The following ZNF202 variants were observed in gnomAD, a reference collection of about 807,000 sequenced individuals.
The protein encoded by ZNF202 is zinc finger protein 202, also known as zinc finger protein with KRAB and SCAN domains 10.
A neutral mutation model predicts 54.5 loss-of-function variants in ZNF202; 22 were observed. That is an observed-to-expected ratio of 0.40 (90% CI 0.29 to 0.58). The LOEUF (loss-of-function observed/expected upper bound fraction) is 0.58, where lower values mean the gene tolerates loss of function less well. Among genes scored for constraint, ZNF202 ranks in the 20% least tolerant of loss-of-function variants. The probability of loss-of-function intolerance (pLI) is 0.39; values close to 1 mark genes in which losing one functional copy is unlikely to be tolerated. For missense variants in ZNF202, 644 were observed against 805.5 expected, an observed-to-expected ratio of 0.80 and a Z score of 2.43; for synonymous variants, 294 against 301.4, an observed-to-expected ratio of 0.98 and a Z score of 0.26.
chr11:123,728,215 C>A lies in ZNF202; in HGVS notation c.750G>T (p.Gln250His). 2.5e-6 allele frequency: 4 copies of A among 1,613,122 alleles called. No individual in the cohort carries two copies. The highest frequency in any genetic ancestry group is 3.4e-6 in the Non-Finnish European group (4 of 1,179,392). ...KDVAVCFSQD[Q>H]WSDLDPTQKE... ...TCTGTGTTGGGTCCAGATCACTCCA[C>A]TGGTCCTGGGAAAAGCATACGGCCA... is the stretch of plus-strand genomic sequence containing the variant. Residue 250 changes from glutamine (Q) to histidine (H), a missense_variant, in exon 7 of 9, where the codon CAG (glutamine) becomes CAT (histidine). Physicochemically the swap from Gln to His is conservative, Grantham distance 24 (BLOSUM62 0). This residue lies in a region of ZNF202 where 536 missense variants were observed against 635.3 expected (regional missense o/e 0.84). Transcript: ENST00000530393.
At chr11:123,733,453 T>C (rs1273932625) in intron 3 of ZNF202, among the ~76,000 whole-genome samples, 1 of 152,220 alleles carries the variant, frequency 6.6e-6, no homozygotes, top group Non-Finnish European at 1.5e-5. Flanking sequence ...TTTTTTATTT[T>C]ATGTCCATCT....
intron 3 of ZNF202, among the ~76,000 whole-genome samples, chr11:123,737,988 G>A (rs141184948): frequency 2.6e-4 from 39 of 152,318 alleles, no homozygotes; most frequent in African/African-American, 8.9e-4. Flanking sequence ...ATTTACTCAA[G>A]AGCTGAGGAC....
rs570157402 is a variant in ZNF202, at chr11:123,735,160, C to T, written c.-97-4175G>A. Among the ~76,000 whole-genome samples the T allele has an allele frequency of 3.9e-5, 6 of 152,280 alleles. No homozygotes were observed. The East Asian group carries it at 1.2e-3, about 29-fold the overall frequency. ...CACCCCAACTCCTACCCCTGGAAGA[C>T]AGAATTAATACATAGGGTCTTTTGG... is the stretch of plus-strand genomic sequence containing the variant. On this transcript the variant is annotated intron_variant, in intron 3 of 8. Coordinates refer to ENST00000530393, the MANE Select transcript of ZNF202 (RefSeq NM_003455.4).
chr11:123,738,537 A>G (rs1375594548), intron 3 of ZNF202: 1 of 93,864 alleles, frequency 1.1e-5, no homozygotes, highest in Non-Finnish European at 2.4e-5. Flanking sequence ...ACCCATCCTG[A>G]TAAGAGTAAC....
chr11:123,739,902 T>C (rs1402962988), intron 3 of ZNF202, among the ~76,000 whole-genome samples: 3 of 152,164 alleles, frequency 2.0e-5, no homozygotes, highest in Non-Finnish European at 2.9e-5. Context: ...GCCCCAGCAA[T>C]ATGCGTTTAA....
intron 1 of ZNF202, 51 bp from the exon 2 acceptor site, chr11:123,740,587 T>G (rs1893061): frequency 0.68 from 103,765 of 152,144 alleles, 35,573 homozygotes; most frequent in Middle Eastern, 0.82. Flanking sequence ...CAGCCTCTAA[T>G]TGAGAGCCTG....
chr11:123,729,039 T>G (rs1490962512), intron 6 of ZNF202, 87 bp downstream of exon 6: 7 of 1,340,916 alleles, frequency 5.2e-6, no homozygotes, highest in Non-Finnish European at 7.3e-6. Flanking sequence ...AGTGTAAATG[T>G]GCATCCTGCT....
Position 123,729,172 on chromosome 11 carries a change from C to G in ZNF202, c.656G>C (p.Ser219Thr). Residue 219 changes from serine to threonine, a missense_variant, in exon 6 of 9, where the codon AGC becomes ACC. By Grantham distance (58) the Ser-to-Thr change is moderately conservative. Coordinates refer to ENST00000530393, the MANE Select transcript of ZNF202 (RefSeq NM_003455.4). Reference protein sequence around the residue: ...PEDPDLPAERSSGDSEMVALL... With the variant: ...PEDPDLPAERTSGDSEMVALL... ...AGCAACCATCTCTGAGTCTCCAGAG[C>G]TCCTCTCTGCAGGAAGGTCTGGGTC... The G allele has an allele frequency of 6.2e-7, 1 of 1,613,952 alleles. No individual in the cohort carries two copies. Among genetic ancestry groups the G allele is most frequent in the Non-Finnish European group, 8.5e-7 (1 of 1,180,012 alleles).
chr11:123,727,077 T>A, intron 8 of ZNF202, 86 bp from the exon 9 acceptor site: 1 of 1,496,202 alleles, frequency 6.7e-7, no homozygotes. Context: ...CAAAGGGTTT[T>A]GAGATGGCAA....
In ZNF202 at chr11:123,730,978, C is replaced by T; in HGVS notation, c.-90G>A. The T allele has an allele frequency of 1.4e-6, 2 of 1,470,958 alleles. No individual in the cohort carries two copies. Among genetic ancestry groups the T allele is most frequent in the Admixed American group, 4.4e-5 (2 of 45,608 alleles). The allele number at this position is 1,470,958 out of a possible 1,614,324, so 91.1% of individuals were successfully genotyped here. A position where few individuals can be genotyped will look rare whatever the true frequency, so the allele number is the denominator to read the frequency against. ...CCTGGACACAGCGAGGATTTTCTTC[C>T]AAGGGCCCTGGATAGAGAAGTAAAG... On this transcript the variant is annotated 5_prime_UTR_variant, in exon 4 of 9. Coordinates refer to ENST00000530393, the MANE Select transcript of ZNF202 (RefSeq NM_003455.4). The surrounding 1 kb of genome is among the most constrained non-coding windows in gnomAD (Gnocchi z 6.0).
rs186838064 is a variant in ZNF202, at chr11:123,730,964, C to A, written c.-76G>T. ...GCCCCCCGCCTCAGCCTGGACACAGCGAGGATTTTCTTCCAAGGGCCCTGG... is the reference window on the plus strand; with the variant it reads ...GCCCCCCGCCTCAGCCTGGACACAGAGAGGATTTTCTTCCAAGGGCCCTGG... On this transcript the variant is annotated 5_prime_UTR_variant, in exon 4 of 9. Transcript: ENST00000530393. This position sits in a 1 kb window ranked among gnomAD's most constrained non-coding sequence, Gnocchi z 6.0. 7.9e-6 allele frequency: 12 copies of A among 1,513,324 alleles called. No homozygotes were observed. Among genetic ancestry groups the A allele is most frequent in the Non-Finnish European group, 1.1e-5 (12 of 1,130,154 alleles). 93.7% of individuals were successfully genotyped at this position (1,513,324 alleles called of 1,614,324 possible).
chr11:123,726,081 G>T lies in ZNF202; in HGVS notation c.1863C>A (p.Phe621Leu). 6.2e-7 allele frequency: 1 copy of T among 1,614,230 alleles called. No homozygotes were observed. Among genetic ancestry groups the T allele is most frequent in the Non-Finnish European group, 8.5e-7 (1 of 1,180,048 alleles). The change falls in exon 9 of 9, where the codon TTC becomes TTA. Residue 621 changes from phenylalanine (F) to leucine (L), a missense_variant. By Grantham distance (22) the Phe-to-Leu change is conservative. This residue lies in a region of ZNF202 where 536 missense variants were observed against 635.3 expected (regional missense o/e 0.84). Transcript: ENST00000530393. This position sits in a 1 kb window ranked among gnomAD's most constrained non-coding sequence, Gnocchi z 6.0. ...AGCTTTTTCCACAGGTAGGGCACGT[G>T]AATGGTTTCTCCCCAGTGTGTGTTC... The part of the protein sequence containing the change: ...HQRTHTGEKP[F>L]TCPTCGKSFS...
At chr11:123,733,459 C>T (rs1239103528) in intron 3 of ZNF202, among the ~76,000 whole-genome samples, 5 of 151,816 alleles carry the variant, frequency 3.3e-5, no homozygotes, top group Admixed American at 1.3e-4. Context: ...ATTTTATGTC[C>T]ATCTTTTTAC....
intron 3 of ZNF202, among the ~76,000 whole-genome samples, chr11:123,735,414 C>T (rs917568974): frequency 2.0e-5 from 3 of 152,148 alleles, no homozygotes; most frequent in African/African-American, 7.2e-5. Context: ...TAAAAATGCC[C>T]TTCAGAAATC....
At chr11:123,735,587 G>C (rs1861600328) in intron 3 of ZNF202, among the ~76,000 whole-genome samples, 1 of 152,104 alleles carries the variant, frequency 6.6e-6, no homozygotes, top group African/African-American at 2.4e-5. Context: ...CACCAAACTG[G>C]GTATCCAAAG....
Position 123,726,149 on chromosome 11 carries a change from C to A in ZNF202, c.1795G>T (p.Gly599Trp). The A allele has an allele frequency of 6.2e-7, 1 of 1,614,236 alleles. No individual in the cohort carries two copies. The highest frequency in any genetic ancestry group is 1.7e-5 in the Admixed American group (1 of 60,032). ...TGGTCCCTGCGACTGAAGCTCTTCC[C>A]ACATTCGTTGCATCGGCAGGGCCTC... ...SVRPCRCNEC[G>W]KSFSRRDHLV... Residue 599 changes from glycine to tryptophan, a missense_variant, in exon 9 of 9, where the codon GGG becomes TGG. Gly to Trp is a radical substitution (Grantham distance 184). Around this residue, in one of 3 missense-constraint regions of ZNF202, gnomAD observed 536 missense variants for 635.3 expected, o/e 0.84. Coordinates refer to ENST00000530393, the MANE Select transcript of ZNF202 (RefSeq NM_003455.4). This position sits in a 1 kb window ranked among gnomAD's most constrained non-coding sequence, Gnocchi z 6.0.
chr11:123,736,417 T>C (rs1861635367), intron 3 of ZNF202, among the ~76,000 whole-genome samples: 1 of 152,234 alleles, frequency 6.6e-6, no homozygotes, highest in Non-Finnish European at 1.5e-5. Flanking sequence ...ATTCTTATTT[T>C]ATACCTTAAT....
chr11:123,727,617 G>A, intron 7 of ZNF202, 22 bp from the exon 8 acceptor site: 1 of 1,613,536 alleles, frequency 6.2e-7, no homozygotes, highest in Non-Finnish European at 8.5e-7. Context: ...AGGGAAAATA[G>A]GATATCACGA....
chr11:123,734,839 C>G (rs1247760324), intron 3 of ZNF202, among the ~76,000 whole-genome samples: 2 of 152,132 alleles, frequency 1.3e-5, no homozygotes, highest in Non-Finnish European at 2.9e-5. Flanking sequence ...ATAAGTCTAG[C>G]AAACTGTGTG....
Sources: gnomAD v4.1 joint callset for allele counts (sites outside exome capture counted in the v4.1 genomes callset) on GRCh38, gnomAD v4.1.1 for gene constraint, gnomAD v4.1.1 regional missense constraint, Gnocchi (gnomAD v3.1) non-coding constraint, MANE v1.5 for transcripts, NCBI Gene and HGNC (gene_info 2026-07-23, HGNC 2026-07-21) for gene names.